Variants in WSCD2 observed in about 807,000 individuals in gnomAD.
WSCD2 encodes WSC domain sialate O sulfotransferase 2, also known as sialate:O-sulfotransferase 2.
Under a neutral mutation model 55.7 loss-of-function variants are expected in WSCD2, and 28 were observed. The observed-to-expected ratio is 0.50, with a 90% confidence interval of 0.37 to 0.69. The LOEUF (loss-of-function observed/expected upper bound fraction) is 0.69, where lower values mean the gene tolerates loss of function less well. WSCD2 is among the 30% of genes least tolerant of loss of function. WSCD2 has a pLI of 0.00. For synonymous variants in WSCD2, 301 were observed against 301.9 expected, an observed-to-expected ratio of 1.00 and a Z score of 0.03; for missense variants, 616 against 762.1, an observed-to-expected ratio of 0.81 and a Z score of 2.26.
chr12:108,203,195 T>C (rs1884929225), intron 2 of WSCD2, among the ~76,000 whole-genome samples: 2 of 152,254 alleles, frequency 1.3e-5, no homozygotes. Flanking sequence ...CACCTTGAAC[T>C]AGCTTAAGCT....
At chr12:108,236,563 T>C (rs1163509588) in intron 7 of WSCD2, among the ~76,000 whole-genome samples, 1 of 149,308 alleles carries the variant, frequency 6.7e-6, no homozygotes, top group East Asian at 1.9e-4. Flanking sequence ...CATCTGGCGC[T>C]CTTTCTCTCT....
chr12:108,206,883 G>A (rs1205044493), intron 3 of WSCD2, among the ~76,000 whole-genome samples: 1 of 152,204 alleles, frequency 6.6e-6, no homozygotes, highest in Admixed American at 6.5e-5. Flanking sequence ...ACTTAGAAAT[G>A]CACCATTAGA....
intron 1 of WSCD2, among the ~76,000 whole-genome samples, chr12:108,145,584 A>C (rs1877302940): frequency 6.6e-6 from 1 of 152,218 alleles, no homozygotes; most frequent in Admixed American, 6.5e-5. Flanking sequence ...ACTGTTCAGC[A>C]GTATTTATTT....
At chr12:108,212,007 A>G (rs1305146360) in intron 4 of WSCD2, among the ~76,000 whole-genome samples, 2 of 152,186 alleles carry the variant, frequency 1.3e-5, no homozygotes, top group Non-Finnish European at 1.5e-5. Context: ...TTGCTGTGCA[A>G]TAGGGTCAAG....
At chr12:108,243,165 G>A (rs955158980) in intron 8 of WSCD2, among the ~76,000 whole-genome samples, 2 of 152,250 alleles carry the variant, frequency 1.3e-5, no homozygotes, top group Non-Finnish European at 2.9e-5. Flanking sequence ...GAGCTTGTTG[G>A]AAATGCTAAA....
intron 3 of WSCD2, among the ~76,000 whole-genome samples, chr12:108,206,746 G>A (rs527989690): frequency 1.4e-4 from 22 of 152,314 alleles, no homozygotes; most frequent in African/African-American, 5.3e-4. Context: ...GGCCGTGTAT[G>A]CAGGAGTCTT....
chr12:108,208,812 T>C (rs775591597), intron 3 of WSCD2, among the ~76,000 whole-genome samples: 3 of 152,226 alleles, frequency 2.0e-5, no homozygotes, highest in Non-Finnish European at 4.4e-5. Flanking sequence ...TGTGTATTAA[T>C]CATCTGTCAT....
chr12:108,141,444 A>G (rs1352402458), intron 1 of WSCD2, among the ~76,000 whole-genome samples: 2 of 152,176 alleles, frequency 1.3e-5, no homozygotes, highest in East Asian at 3.9e-4. Context: ...GGAGGTTTGA[A>G]GTCTAAAATG....
At chr12:108,236,664 T>G (rs1889293910) in intron 7 of WSCD2, among the ~76,000 whole-genome samples, 1 of 152,016 alleles carries the variant, frequency 6.6e-6, no homozygotes, top group Non-Finnish European at 1.5e-5. Context: ...TCTCTGTGCT[T>G]CTCTCTTTGT....
chr12:108,240,197 C>T, intron 7 of WSCD2, 147 bp from the exon 8 acceptor site: 1 of 962,566 alleles, frequency 1.0e-6, no homozygotes, highest in Non-Finnish European at 1.6e-6. Flanking sequence ...TAGCACAGTG[C>T]CTGGCACATA....
Position 108,129,562 on chromosome 12 carries a change from C to T in WSCD2, c.-916C>T, listed in dbSNP as rs1009479269. The T allele has an allele frequency of 3.3e-5, 5 of 152,012 alleles. No individual in the cohort carries two copies. The East Asian group carries it at 9.7e-4, about 30-fold the overall frequency. 9.4% of individuals were successfully genotyped at this position (152,012 alleles called of 1,614,324 possible). On this transcript the variant is annotated 5_prime_UTR_variant, in exon 1 of 9. Transcript: ENST00000547525. ...GAGCGCCAGGCTCACAGGAGCCCGG[C>T]TTTCACTTCCTCTCGCTTCCGCCCG...
intron 6 of WSCD2, 140 bp downstream of exon 6, chr12:108,227,304 A>C: frequency 9.6e-7 from 1 of 1,042,242 alleles, no homozygotes; most frequent in East Asian, 2.7e-5. Flanking sequence ...GATGAACTCC[A>C]CCAGGCTTAG....
intron 1 of WSCD2, among the ~76,000 whole-genome samples, chr12:108,169,251 A>G (rs921174604): frequency 1.3e-5 from 2 of 152,196 alleles, no homozygotes; most frequent in Non-Finnish European, 2.9e-5. Context: ...TAATTATTTC[A>G]TTATATGTAA....
chr12:108,197,301 C>G (rs543037261), intron 2 of WSCD2: 2 of 152,380 alleles, frequency 1.3e-5, no homozygotes, highest in Non-Finnish European at 2.9e-5. Context: ...TTCTCCTGCC[C>G]CAGTCCTGCC....
intron 1 of WSCD2, among the ~76,000 whole-genome samples, chr12:108,181,061 A>G (rs975004470): frequency 9.2e-5 from 14 of 152,218 alleles, no homozygotes; most frequent in Admixed American, 6.5e-4. Context: ...TGACCTCTTC[A>G]TGGAACTAGC....
chr12:108,142,585 A>G (rs1460614529), intron 1 of WSCD2, among the ~76,000 whole-genome samples: 1 of 152,248 alleles, frequency 6.6e-6, no homozygotes, highest in Admixed American at 6.5e-5. Context: ...AAATAATGAT[A>G]GTGTTTGCAT....
In WSCD2 at chr12:108,248,276, A is replaced by G. The variant is rs774749137; in HGVS notation, c.1631A>G (p.Lys544Arg). 6.2e-7 allele frequency: 1 copy of G among 1,614,220 alleles called. No individual in the cohort carries two copies. The highest frequency in any genetic ancestry group is 1.1e-5 in the South Asian group (1 of 91,086). ...CAGAAGACCATCTCTGCCTACATCA[A>G]GATGGTGGATGCAGCCCTCAAAGGG... ...DMQKTISAYI[K>R]MVDAALKGRN... Residue 544 changes from lysine to arginine, a missense_variant, in exon 9 of 9, where the codon AAG (lysine) becomes AGG (arginine). Lys to Arg is a conservative substitution (Grantham distance 26). Transcript: ENST00000547525. This position sits in a 1 kb window ranked among gnomAD's most constrained non-coding sequence, Gnocchi z 4.3.
chr12:108,163,701 G>A (rs1440602607), intron 1 of WSCD2, among the ~76,000 whole-genome samples: 6 of 152,172 alleles, frequency 3.9e-5, no homozygotes, highest in Non-Finnish European at 5.9e-5. Context: ...CAGGCAGGAA[G>A]GGGAGGGGCC....
chr12:108,194,261 C>T (rs185944783), intron 1 of WSCD2, among the ~76,000 whole-genome samples: 1 of 152,302 alleles, frequency 6.6e-6, no homozygotes, highest in Admixed American at 6.5e-5. Flanking sequence ...TCACCAGGCT[C>T]TCAGGTGATT....
Sources: gnomAD v4.1 joint callset for allele counts (sites outside exome capture counted in the v4.1 genomes callset) on GRCh38, gnomAD v4.1.1 for gene constraint, Gnocchi (gnomAD v3.1) non-coding constraint, MANE v1.5 for transcripts, NCBI Gene and HGNC (gene_info 2026-07-23, HGNC 2026-07-21) for gene names.